The following NCKAP1 variants were observed in gnomAD, a reference collection of about 807,000 sequenced individuals.
The protein encoded by NCKAP1 is nck-associated protein 1.
Under a neutral mutation model 151.2 loss-of-function variants are expected in NCKAP1, and 21 were observed. That is an observed-to-expected ratio of 0.14 (90% CI 0.10 to 0.20). NCKAP1 has a LOEUF of 0.20. Ranked by LOEUF, NCKAP1 falls within the 10% of genes least tolerant of loss-of-function variation. The pLI is 1.00. For synonymous variants in NCKAP1, 484 were observed against 451.8 expected, an observed-to-expected ratio of 1.07 and a Z score of -0.90; for missense variants, 933 against 1,352.1, an observed-to-expected ratio of 0.69 and a Z score of 4.86.
At chr2:182,942,019 C>T (rs371753390) in intron 24 of NCKAP1, 51 bp downstream of exon 24, 1 of 1,432,848 alleles carries the variant, frequency 7.0e-7, no homozygotes, top group African/African-American at 1.4e-5. Context: ...AAGCTAAATA[C>T]TGAGTATCAA....
intron 18 of NCKAP1, among the ~76,000 whole-genome samples, chr2:182,960,405 C>T (rs1344070529): frequency 6.6e-6 from 1 of 152,186 alleles, no homozygotes; most frequent in Non-Finnish European, 1.5e-5. Flanking sequence ...TGGAACAGAA[C>T]AAAGCCCTCA....
intron 29 of NCKAP1, 88 bp from the exon 30 acceptor site, chr2:182,926,993 T>C: frequency 1.2e-6 from 1 of 840,122 alleles, no homozygotes; most frequent in Non-Finnish European, 1.9e-6. Context: ...TTCCAACACA[T>C]TTCAATCATT....
At chr2:182,926,660 G>T (rs1016268666) in intron 30 of NCKAP1, among the ~76,000 whole-genome samples, 156 bp downstream of exon 30, 1 of 152,040 alleles carries the variant, frequency 6.6e-6, no homozygotes, top group Non-Finnish European at 1.5e-5. Context: ...AAATATGAGT[G>T]ATGTCAGTCT....
At chr2:182,972,753 T>C (rs973755799) in intron 15 of NCKAP1, among the ~76,000 whole-genome samples, 1 of 152,200 alleles carries the variant, frequency 6.6e-6, no homozygotes, top group Non-Finnish European at 1.5e-5. Context: ...TGCAACAACA[T>C]AGACGGAACT....
intron 17 of NCKAP1, among the ~76,000 whole-genome samples, chr2:182,964,300 G>C (rs1697518178): frequency 6.6e-6 from 1 of 151,972 alleles, no homozygotes; most frequent in Admixed American, 6.5e-5. Flanking sequence ...ATCTCTCTTT[G>C]ACTTGTTTAT....
At chr2:183,008,388 T>G (rs1254273590) in intron 2 of NCKAP1, among the ~76,000 whole-genome samples, 1 of 152,246 alleles carries the variant, frequency 6.6e-6, no homozygotes, top group African/African-American at 2.4e-5. Flanking sequence ...AATCATTTTT[T>G]AATTCCAACA....
chr2:183,032,464 G>A (rs1434241055), intron 1 of NCKAP1, among the ~76,000 whole-genome samples: 2 of 152,046 alleles, frequency 1.3e-5, no homozygotes, highest in African/African-American at 4.8e-5. Flanking sequence ...TACACCCAGG[G>A]TACATGGGAT....
intron 13 of NCKAP1, among the ~76,000 whole-genome samples, chr2:182,980,260 C>CTAT (rs1180293482): frequency 1.3e-5 from 2 of 151,632 alleles, no homozygotes; most frequent in Non-Finnish European, 2.9e-5. Context: ...AAGAAATAAA[C>CTAT]TATAGAGTTT....
At position 182,976,857 on chromosome 2, in the gene NCKAP1, T is replaced by A; in HGVS notation, c.1482+36A>T. 2.2e-6 allele frequency: 3 copies of A among 1,354,050 alleles called. No individual in the cohort carries two copies. The East Asian group carries it at 7.7e-5, about 35-fold the overall frequency. 83.9% of individuals were successfully genotyped at this position (1,354,050 alleles called of 1,614,324 possible). A position where few individuals can be genotyped will look rare whatever the true frequency, so the allele number is the denominator to read the frequency against. On this transcript the variant is annotated intron_variant, in intron 15 of 30. Coordinates refer to ENST00000361354, the MANE Select transcript of NCKAP1 (RefSeq NM_013436.5). ...ATAAAATTTTTCATGTTAACTAAAA[T>A]AACAAAACAGAATGACAATAAAAGG...
rs186978070 is a variant in NCKAP1 at position 182,918,581 on chromosome 2, G to C, written c.*7121C>G. 2.0e-5 allele frequency: 3 copies of C among 152,138 alleles called. No homozygotes were observed. Among genetic ancestry groups the C allele is most frequent in the Non-Finnish European group, 4.4e-5 (3 of 68,006 alleles). 9.4% of individuals were successfully genotyped at this position (152,138 alleles called of 1,614,324 possible). On this transcript the variant is annotated 3_prime_UTR_variant, in exon 31 of 31. Transcript: ENST00000361354. ...CATTATTCTAAGCAAAGTAACTCAG[G>C]AACAGAAAACCAAATACCGTATGTT...
chr2:182,975,698 G>C (rs951179638), intron 15 of NCKAP1, among the ~76,000 whole-genome samples: 1 of 152,070 alleles, frequency 6.6e-6, no homozygotes. Flanking sequence ...CCGAGGCCAG[G>C]AGTCTGAGAT....
rs1697331360 is a variant in NCKAP1, at chr2:182,956,542, A to G, written c.2073T>C (p.Tyr691=). 2 of 1,610,886 alleles carry G rather than the reference A, an allele frequency of 1.2e-6. No homozygotes were observed. The highest frequency in any genetic ancestry group is 1.7e-6 in the Non-Finnish European group (2 of 1,178,370). ...ALSELCFSIN[Y]VPNMVVWEHT... ...GTTCCCATACCACCATGTTTGGTAC[A>G]TAATTTATAGAGAAGCATAACTCAG... Residue 691 remains tyrosine, a synonymous_variant, in exon 20 of 31, where the codon TAT becomes TAC. Transcript: ENST00000361354.
chr2:182,964,665 A>T lies in NCKAP1; in HGVS notation c.1761+11T>A. On this transcript the variant is annotated intron_variant, in intron 17 of 30. Transcript: ENST00000361354. Reference sequence around the variant, plus strand: ...CATACCATATAACTCACAGTAGTACACTATAATTACCTCTTCTGGACATAG... The same window carrying T: ...CATACCATATAACTCACAGTAGTACTCTATAATTACCTCTTCTGGACATAG... 1 of 1,581,718 alleles carries T rather than the reference A, an allele frequency of 6.3e-7. No homozygotes were observed. The highest frequency in any genetic ancestry group is 1.2e-5 in the South Asian group (1 of 85,188).
intron 23 of NCKAP1, chr2:182,947,302 G>A (rs922634626): frequency 2.0e-5 from 3 of 152,146 alleles, no homozygotes; most frequent in Admixed American, 6.6e-5. Context: ...CCCCTACCCC[G>A]AAGTTAGACA....
In NCKAP1 at chr2:183,004,753, G is replaced by T. The variant is rs937822513; in HGVS notation, c.220-1428C>A. 4.0e-5 allele frequency among the ~76,000 whole-genome samples: 6 copies of T among 151,756 alleles called. No homozygotes were observed. In the East Asian group the frequency reaches 1.2e-3, roughly 29 times the overall value. On this transcript the variant is annotated intron_variant, in intron 2 of 30. Coordinates refer to ENST00000361354, the MANE Select transcript of NCKAP1 (RefSeq NM_013436.5). ...ACAAAAATTAGCTGGGCATGGTGGC[G>T]CATGCCTGTAATCCCAGCTACTCAG...
chr2:182,997,158 G>C (rs1698286639), intron 6 of NCKAP1, among the ~76,000 whole-genome samples: 1 of 152,024 alleles, frequency 6.6e-6, no homozygotes. Flanking sequence ...TGTTAATCTA[G>C]CTAAGAGTCT....
At chr2:182,941,131 C>CT (rs1261177832) in intron 24 of NCKAP1, among the ~76,000 whole-genome samples, 494 of 141,706 alleles carry the variant, frequency 3.5e-3, no homozygotes, top group Non-Finnish European at 5.6e-3. Context: ...TTTGGGATTT[C>CT]ATTTTTTTTT....
chr2:182,911,454 TTTA>T lies in NCKAP1; in HGVS notation c.*14245_*14247del, dbSNP rs1481981529. ...CAAAAAATGGCCATCAGTTCATGAC[TTTA>T]TTAACTTATATAGTTAATACATGTT... is the stretch of plus-strand genomic sequence containing the variant. On this transcript the variant is annotated 3_prime_UTR_variant, in exon 31 of 31. Transcript: ENST00000361354. The T allele has an allele frequency of 1.3e-5, 2 of 152,218 alleles. No homozygotes were observed. The highest frequency in any genetic ancestry group is 4.8e-5 in the African/African-American group (2 of 41,456). 9.4% of individuals were successfully genotyped at this position (152,218 alleles called of 1,614,324 possible). A position where few individuals can be genotyped will look rare whatever the true frequency, so the allele number is the denominator to read the frequency against.
intron 2 of NCKAP1, among the ~76,000 whole-genome samples, chr2:183,006,726 T>G (rs1277691161): frequency 1.3e-5 from 2 of 152,180 alleles, no homozygotes; most frequent in Non-Finnish European, 2.9e-5. Flanking sequence ...GAACCAAGTT[T>G]TCTTAATTCA....
Sources: gnomAD v4.1 joint callset for allele counts (sites outside exome capture counted in the v4.1 genomes callset) on GRCh38, gnomAD v4.1.1 for gene constraint, MANE v1.5 for transcripts, NCBI Gene and HGNC (gene_info 2026-07-23, HGNC 2026-07-21) for gene names.